Variants in BRSK1 observed in about 807,000 individuals in gnomAD.
BRSK1 encodes serine/threonine-protein kinase BRSK1.
In BRSK1, 17 loss-of-function variants were observed where a neutral mutation model predicts 86.2. The ratio of observed to expected loss-of-function variants is 0.20; its 90% confidence interval spans 0.14 to 0.30. The LOEUF (loss-of-function observed/expected upper bound fraction) is 0.30. Among genes scored for constraint, BRSK1 ranks in the 10% least tolerant of loss-of-function variants. The probability of loss-of-function intolerance (pLI) is 1.00; values close to 1 mark genes in which losing one functional copy is unlikely to be tolerated. For missense variants in BRSK1, 719 were observed against 1,071.9 expected, an observed-to-expected ratio of 0.67 and a Z score of 4.60; for synonymous variants, 464 against 440.1, an observed-to-expected ratio of 1.05 and a Z score of -0.68.
chr19:55,295,626 C>G lies in BRSK1; in HGVS notation c.678+1229C>G, dbSNP rs1298535270. On this transcript the variant is annotated intron_variant, in intron 7 of 18. Coordinates refer to ENST00000309383, the MANE Select transcript of BRSK1 (RefSeq NM_032430.2). ...CCAGGAGCACCTGGAGGGCTTGATA[C>G]AATGACTGTTTACCAGCTGATTCTA... 2.0e-5 allele frequency among the ~76,000 whole-genome samples: 3 copies of G among 152,182 alleles called. No individual in the cohort carries two copies. In the East Asian group the frequency reaches 5.8e-4, roughly 29 times the overall value.
At position 55,284,049 on chromosome 19, in the gene BRSK1, G is replaced by T; in HGVS notation, c.-394G>T. 1 of 1,232,586 alleles carries T rather than the reference G, an allele frequency of 8.1e-7. No homozygotes were observed. Among genetic ancestry groups the T allele is most frequent in the Non-Finnish European group, 1.0e-6 (1 of 987,760 alleles). 76.4% of individuals were successfully genotyped at this position (1,232,586 alleles called of 1,614,324 possible). A position where few individuals can be genotyped will look rare whatever the true frequency, so the allele number is the denominator to read the frequency against. ...AAAGGACGAGGTGGCGGGGGGAGGCGGAGAGGAGGAGGAGGCGGAGGAGAG... is the reference window on the plus strand; with the variant it reads ...AAAGGACGAGGTGGCGGGGGGAGGCTGAGAGGAGGAGGAGGCGGAGGAGAG... On this transcript the variant is annotated 5_prime_UTR_variant, in exon 1 of 19. Transcript: ENST00000309383.
chr19:55,300,287 T>C (rs1424817177), intron 7 of BRSK1, among the ~76,000 whole-genome samples: 1 of 152,184 alleles, frequency 6.6e-6, no homozygotes, highest in Non-Finnish European at 1.5e-5. Flanking sequence ...AGCACTGTCA[T>C]GTACTAGGTC....
At chr19:55,305,247 G>T (rs2088631858) in intron 14 of BRSK1, 74 bp from the exon 15 acceptor site, 1 of 1,570,656 alleles carries the variant, frequency 6.4e-7, no homozygotes, top group South Asian at 1.1e-5. Context: ...GGGAGGGGGC[G>T]AGTGCAGGCC....
At chr19:55,308,434 GGTAT>G (rs2088698618) in intron 17 of BRSK1, among the ~76,000 whole-genome samples, 1 of 110,566 alleles carries the variant, frequency 9.0e-6, no homozygotes, top group African/African-American at 5.7e-5. Context: ...TGAAGTTGAA[GGTAT>G]GTGAGTTTGA....
In BRSK1 at chr19:55,306,275, G is replaced by T. The variant is rs1362169499; in HGVS notation, c.1914G>T (p.Val638=). 6.2e-7 allele frequency: 1 copy of T among 1,614,058 alleles called. No homozygotes were observed. The change falls in exon 17 of 19, where the codon GTG becomes GTT. Residue 638 remains valine, a synonymous_variant. Transcript: ENST00000309383. This position sits in a 1 kb window ranked among gnomAD's most constrained non-coding sequence, Gnocchi z 4.7. ...FLSIPSLSHS[V]LSQTSFRAEY... ...AGATCCCCAGCCTGAGTCACAGTGT[G>T]CTGTCACAGACCAGCTTCAGGGCCG... is the stretch of plus-strand genomic sequence containing the variant.
Position 55,294,053 on chromosome 19 carries a change from T to C in BRSK1, c.495T>C (p.Asp165=), listed in dbSNP as rs953566853. 6.2e-7 allele frequency: 1 copy of C among 1,613,672 alleles called. No individual in the cohort carries two copies. Among genetic ancestry groups the C allele is most frequent in the Non-Finnish European group, 8.5e-7 (1 of 1,179,824 alleles). Reference sequence around the variant, plus strand: ...TAAAGCCCGAGAACCTGCTTTTGGATGAGAAAAACAACATCCGCATTGCAG... The same window carrying C: ...TAAAGCCCGAGAACCTGCTTTTGGACGAGAAAAACAACATCCGCATTGCAG... ...RDLKPENLLL[D]EKNNIRIADF... is the part of the protein sequence containing the mutation. The change falls in exon 5 of 19, where the codon GAT becomes GAC. Residue 165 remains aspartate (D), a synonymous_variant. Coordinates refer to ENST00000309383, the MANE Select transcript of BRSK1 (RefSeq NM_032430.2). This position sits in a 1 kb window ranked among gnomAD's most constrained non-coding sequence, Gnocchi z 4.9.
chr19:55,303,843 C>T lies in BRSK1; in HGVS notation c.1286+17C>T. ...CAGCCAGAGGTGGGAGCCCCTGTCC[C>T]TCCAGGAGGATCCACAATCCCTGGG... On this transcript the variant is annotated intron_variant, in intron 12 of 18. Transcript: ENST00000309383. The surrounding 1 kb of genome is among the most constrained non-coding windows in gnomAD (Gnocchi z 5.1). 2 of 1,550,180 alleles carry T rather than the reference C, an allele frequency of 1.3e-6. No individual in the cohort carries two copies. Among genetic ancestry groups the T allele is most frequent in the Non-Finnish European group, 8.7e-7 (1 of 1,149,358 alleles).
chr19:55,305,836 C>G (rs746256360), intron 16 of BRSK1, among the ~76,000 whole-genome samples: 9 of 152,196 alleles, frequency 5.9e-5, no homozygotes, highest in African/African-American at 9.7e-5. Flanking sequence ...TCCCCTACTG[C>G]GAGGTTTGAA....
chr19:55,304,174 GAGT>G lies in BRSK1; in HGVS notation c.1347+67_1347+69del. ...GGGGTGGAGACATGGAGCAAAGATT[GAGT>G]AGCAGAAACTACAATTCCTGTGCAG... On this transcript the variant is annotated intron_variant, in intron 13 of 18. Transcript: ENST00000309383. This position sits in a 1 kb window ranked among gnomAD's most constrained non-coding sequence, Gnocchi z 5.2. 1.2e-5 allele frequency: 18 copies of G among 1,485,424 alleles called. No homozygotes were observed. The highest frequency in any genetic ancestry group is 1.1e-4 in the African/African-American group (8 of 71,798). The allele number at this position is 1,485,424 out of a possible 1,614,324, so 92.0% of individuals were successfully genotyped here. A position where few individuals can be genotyped will look rare whatever the true frequency, so the allele number is the denominator to read the frequency against.
chr19:55,285,881 A>G (rs1001051751), intron 1 of BRSK1, among the ~76,000 whole-genome samples: 6 of 151,980 alleles, frequency 3.9e-5, no homozygotes, highest in Non-Finnish European at 8.8e-5. Flanking sequence ...CCTGAGTGGT[A>G]AGAGTGTGAA....
Position 55,287,824 on chromosome 19 carries a change from G to A in BRSK1, c.317+525G>A, listed in dbSNP as rs2088341907. Reference sequence around the variant, plus strand: ...TCAATCACCCGCCAGGAAGGATGGGGGTGGGGGTCCAGCTGTCCAGACTCC... The same window carrying A: ...TCAATCACCCGCCAGGAAGGATGGGAGTGGGGGTCCAGCTGTCCAGACTCC... On this transcript the variant is annotated intron_variant, in intron 3 of 18. Transcript: ENST00000309383. The surrounding 1 kb of genome is among the most constrained non-coding windows in gnomAD (Gnocchi z 5.3). Among the ~76,000 whole-genome samples the A allele has an allele frequency of 6.6e-6, 1 of 152,208 alleles. No homozygotes were observed. The highest frequency in any genetic ancestry group is 2.1e-4 in the South Asian group (1 of 4,834).
rs754696230 is a variant in BRSK1 at position 55,302,095 on chromosome 19, AC to A, written c.826-41del. The A allele has an allele frequency of 7.4e-6, 12 of 1,613,332 alleles. No homozygotes were observed. In the African/African-American group the frequency reaches 1.6e-4, roughly 22 times the overall value. ...TTTCATTGCGCGCCTACATGTGCCT[AC>A]GACCTCACTTCTGCTTCTCTACGAC... On this transcript the variant is annotated intron_variant, in intron 8 of 18. Coordinates refer to ENST00000309383, the MANE Select transcript of BRSK1 (RefSeq NM_032430.2). This position sits in a 1 kb window ranked among gnomAD's most constrained non-coding sequence, Gnocchi z 6.3.
At position 55,303,269 on chromosome 19, in the gene BRSK1, C is replaced by T. The variant is rs778787879; in HGVS notation, c.1029-42C>T. The T allele has an allele frequency of 6.7e-7, 1 of 1,491,964 alleles. No homozygotes were observed. The highest frequency in any genetic ancestry group is 1.7e-5 in the Admixed American group (1 of 59,800). The allele number at this position is 1,491,964 out of a possible 1,614,324, so 92.4% of individuals were successfully genotyped here. ...TCTGAGCATTGATGTTGGACCTCAG[C>T]CCTCTGCTACCTCTTTCCACCTTTC... On this transcript the variant is annotated intron_variant, in intron 10 of 18. Transcript: ENST00000309383. This position sits in a 1 kb window ranked among gnomAD's most constrained non-coding sequence, Gnocchi z 5.1.
chr19:55,290,358 TG>T (rs1185303800), intron 4 of BRSK1, among the ~76,000 whole-genome samples: 1 of 152,304 alleles, frequency 6.6e-6, no homozygotes, highest in African/African-American at 2.4e-5. Flanking sequence ...ATTATTGATT[TG>T]TAACAATTTT....
At position 55,302,651 on chromosome 19, in the gene BRSK1, G is replaced by T; in HGVS notation, c.858-46G>T. The T allele has an allele frequency of 6.4e-7, 1 of 1,574,742 alleles. No individual in the cohort carries two copies. The highest frequency in any genetic ancestry group is 8.6e-7 in the Non-Finnish European group (1 of 1,156,670). ...CATTGAGTCTAGAATGAAGAATGCT[G>T]AATCTCAGAAGCCCGGTTCCCAATA... On this transcript the variant is annotated intron_variant, in intron 9 of 18. Transcript: ENST00000309383. The surrounding 1 kb of genome is among the most constrained non-coding windows in gnomAD (Gnocchi z 6.3).
At position 55,301,667 on chromosome 19, in the gene BRSK1, A is replaced by AC. The variant is rs1568985864; in HGVS notation, c.825+9_825+10insC. 1 of 1,608,894 alleles carries AC rather than the reference A, an allele frequency of 6.2e-7. No individual in the cohort carries two copies. The highest frequency in any genetic ancestry group is 2.2e-5 in the East Asian group (1 of 44,662). On this transcript the variant is annotated intron_variant, in intron 8 of 18. Transcript: ENST00000309383. ...CCGAAAAAAGGCTCAGTGTGAGTTGAGGGGGGGACCGGCGGAGGGGGGAAC... is the reference window on the plus strand; with the variant it reads ...CCGAAAAAAGGCTCAGTGTGAGTTGACGGGGGGGACCGGCGGAGGGGGGAAC...
Position 55,304,967 on chromosome 19 carries a change from G to A in BRSK1, c.1717+47G>A. ...AGTCCTAATGTGGGGAGAGGTTGGG[G>A]CTAAAAATCTGGTTCCAGGGATGTC... is the stretch of plus-strand genomic sequence containing the variant. On this transcript the variant is annotated intron_variant, in intron 14 of 18. Coordinates refer to ENST00000309383, the MANE Select transcript of BRSK1 (RefSeq NM_032430.2). The surrounding 1 kb of genome is among the most constrained non-coding windows in gnomAD (Gnocchi z 5.2). 4 of 1,592,558 alleles carry A rather than the reference G, an allele frequency of 2.5e-6. No individual in the cohort carries two copies. In the South Asian group the frequency reaches 4.4e-5, roughly 18 times the overall value.
intron 1 of BRSK1, among the ~76,000 whole-genome samples, chr19:55,285,458 C>T (rs571644948): frequency 6.6e-6 from 1 of 152,178 alleles, no homozygotes; most frequent in South Asian, 2.1e-4. Context: ...AGCTGCAGAC[C>T]GGGGTGCAGT....
In BRSK1 at chr19:55,302,494, C is replaced by G; in HGVS notation, c.858-203C>G. On this transcript the variant is annotated intron_variant, in intron 9 of 18. Transcript: ENST00000309383. This position sits in a 1 kb window ranked among gnomAD's most constrained non-coding sequence, Gnocchi z 6.3. ...GGAGGGGCCGGGGGCCTGGACCCCT[C>G]GGTCGGAGGGAAAAGGGGCTGGAGG... 2 of 673,232 alleles carry G rather than the reference C, an allele frequency of 3.0e-6. No homozygotes were observed. 41.7% of individuals were successfully genotyped at this position (673,232 alleles called of 1,614,324 possible). A position where few individuals can be genotyped will look rare whatever the true frequency, so the allele number is the denominator to read the frequency against.
Sources: gnomAD v4.1 joint callset for allele counts (sites outside exome capture counted in the v4.1 genomes callset) on GRCh38, gnomAD v4.1.1 for gene constraint, Gnocchi (gnomAD v3.1) non-coding constraint, MANE v1.5 for transcripts, NCBI Gene and HGNC (gene_info 2026-07-23, HGNC 2026-07-21) for gene names.